XKR4: variants seen among roughly 807,000 people sequenced by gnomAD.
XKR4 encodes the protein XK related 4.
Under a neutral mutation model 53.9 loss-of-function variants are expected in XKR4, and 12 were observed. The observed-to-expected ratio is 0.22, with a 90% CI of 0.14 to 0.36. XKR4 has a LOEUF of 0.36. Ranked by LOEUF, XKR4 falls within the 10% of genes least tolerant of loss-of-function variation. XKR4 has a pLI of 1.00. For missense variants in XKR4, 799 were observed against 859.5 expected (o/e 0.93, Z 0.88); for synonymous variants, 354 against 362.4 (o/e 0.98, Z 0.26).
In XKR4 at chr8:55,273,142, C is replaced by CTGTGTGTGTG. The variant is rs5891567; in HGVS notation, c.807-84504_807-84495dup. Among the ~76,000 whole-genome samples the CTGTGTGTGTG allele has an allele frequency of 9.2e-3, 1,356 of 147,538 alleles. 26 individuals carry two copies. Among genetic ancestry groups the CTGTGTGTGTG allele is most frequent in the African/African-American group, 0.032 (1,267 of 39,604 alleles). ...ATAATGTAGTTTGGAGAAAAGAGGA[C>CTGTGTGTGTG]TGTGTGTGTGTGTGTGTGTGTGTGT... On this transcript the variant is annotated intron_variant, in intron 1 of 2. Transcript: ENST00000327381.
chr8:55,146,968 C>A lies in XKR4; in HGVS notation c.806+43674C>A, dbSNP rs546785488. Among the ~76,000 whole-genome samples the A allele has an allele frequency of 7.9e-4, 120 of 152,324 alleles. No individual in the cohort carries two copies. In the Middle Eastern group the frequency reaches 0.01, roughly 13 times the overall value. On this transcript the variant is annotated intron_variant, in intron 1 of 2. Coordinates refer to ENST00000327381, the MANE Select transcript of XKR4 (RefSeq NM_052898.2). Reference sequence around the variant, plus strand: ...ATGTTGCAGTTTAGAGGTAATCATTCCACAGAAGGGAAGCCATGCAATATC... The same window carrying A: ...ATGTTGCAGTTTAGAGGTAATCATTACACAGAAGGGAAGCCATGCAATATC...
At position 55,357,762 on chromosome 8, in the gene XKR4, T is replaced by C. The variant is rs749035731; in HGVS notation, c.891T>C (p.Tyr297=). The change falls in exon 2 of 3, where the codon TAT becomes TAC. Residue 297 remains tyrosine (Y), a synonymous_variant. Coordinates refer to ENST00000327381, the MANE Select transcript of XKR4 (RefSeq NM_052898.2). ...GGAGGTTTTACTGGAAAATGGTATA[T>C]GAGTATGCGGATGTGAGTATGCTGC... ...DRWRFYWKMV[Y]EYADVSMLHL... 43 of 1,613,834 alleles carry C rather than the reference T, an allele frequency of 2.7e-5. No individual in the cohort carries two copies. The highest frequency in any genetic ancestry group is 3.6e-5 in the Non-Finnish European group (43 of 1,179,800).
chr8:55,268,433 G>T (rs750892719), intron 1 of XKR4, among the ~76,000 whole-genome samples: 12 of 152,140 alleles, frequency 7.9e-5, no homozygotes, highest in Non-Finnish European at 1.6e-4. Flanking sequence ...AAGACAGCTT[G>T]CAACTGATGT....
intron 1 of XKR4, among the ~76,000 whole-genome samples, chr8:55,197,778 C>G (rs1320351174): frequency 6.6e-6 from 1 of 152,106 alleles, no homozygotes; most frequent in Non-Finnish European, 1.5e-5. Context: ...CTCCTGACCT[C>G]GTGATCCACC....
At chr8:55,394,010 C>T (rs1017407442) in intron 2 of XKR4, among the ~76,000 whole-genome samples, 2 of 152,092 alleles carry the variant, frequency 1.3e-5, no homozygotes, top group Non-Finnish European at 2.9e-5. Flanking sequence ...CAGACCCTGA[C>T]CATGAGAAGT....
At chr8:55,278,767 T>C (rs953767205) in intron 1 of XKR4, among the ~76,000 whole-genome samples, 2 of 152,186 alleles carry the variant, frequency 1.3e-5, no homozygotes, top group African/African-American at 4.8e-5. Flanking sequence ...CAAAATCATA[T>C]GTAAAAATTG....
intron 1 of XKR4, among the ~76,000 whole-genome samples, chr8:55,305,245 T>TATA (rs1393139480): frequency 9.2e-5 from 14 of 152,220 alleles, no homozygotes; most frequent in African/African-American, 3.4e-4. Flanking sequence ...ATGTGGCTAC[T>TATA]ATATTGGGCA....
intron 1 of XKR4, among the ~76,000 whole-genome samples, chr8:55,215,688 A>G (rs1817788601): frequency 6.6e-6 from 1 of 152,246 alleles, no homozygotes; most frequent in African/African-American, 2.4e-5. Context: ...GAAAAAAATA[A>G]TAAAATTCAA....
At chr8:55,338,794 T>C (rs1306126332) in intron 1 of XKR4, among the ~76,000 whole-genome samples, 2 of 152,210 alleles carry the variant, frequency 1.3e-5, no homozygotes, top group African/African-American at 2.4e-5. Context: ...GGTTGATTTT[T>C]GGATATTTTG....
At position 55,348,364 on chromosome 8, in the gene XKR4, G is replaced by A. The variant is rs1428924260; in HGVS notation, c.807-9314G>A. On this transcript the variant is annotated intron_variant, in intron 1 of 2. Coordinates refer to ENST00000327381, the MANE Select transcript of XKR4 (RefSeq NM_052898.2). ...TCTAATCCCCACACAGCCTGTGAGG[G>A]AGGGACAGCCATCCCTGCCTTCTCA... Among the ~76,000 whole-genome samples, 6 of 152,176 alleles carry A rather than the reference G, an allele frequency of 3.9e-5. No homozygotes were observed. In the South Asian group the frequency reaches 1.0e-3, roughly 26 times the overall value.
intron 1 of XKR4, among the ~76,000 whole-genome samples, chr8:55,291,835 A>C (rs551891803): frequency 1.3e-5 from 2 of 152,162 alleles, no homozygotes; most frequent in African/African-American, 2.4e-5. Flanking sequence ...GATACTCCTT[A>C]TCAAGCTGAG....
chr8:55,140,973 C>T (rs1816694182), intron 1 of XKR4, among the ~76,000 whole-genome samples: 1 of 152,078 alleles, frequency 6.6e-6, no homozygotes, highest in Admixed American at 6.5e-5. Flanking sequence ...TGAAATATAA[C>T]TCACATACCA....
At chr8:55,168,701 C>T (rs1032226040) in intron 1 of XKR4, among the ~76,000 whole-genome samples, 1 of 152,330 alleles carries the variant, frequency 6.6e-6, no homozygotes. Context: ...AAAATTCTAT[C>T]AGCTCATCCT....
At chr8:55,322,205 T>C (rs1016011180) in intron 1 of XKR4, among the ~76,000 whole-genome samples, 1 of 152,218 alleles carries the variant, frequency 6.6e-6, no homozygotes, top group African/African-American at 2.4e-5. Flanking sequence ...TTTGTATAAA[T>C]GGATTCACGT....
At chr8:55,393,309 C>T (rs1043634344) in intron 2 of XKR4, among the ~76,000 whole-genome samples, 8 of 151,512 alleles carry the variant, frequency 5.3e-5, no homozygotes, top group South Asian at 4.2e-4. Context: ...AGCAGAAAAT[C>T]GTAAAATATG....
At chr8:55,161,604 C>T (rs940389590) in intron 1 of XKR4, 8 of 456,256 alleles carry the variant, frequency 1.8e-5, no homozygotes, top group Non-Finnish European at 2.6e-5. Flanking sequence ...TAGATGTGGA[C>T]GAATAGTAGT....
intron 1 of XKR4, among the ~76,000 whole-genome samples, chr8:55,178,439 A>G (rs980448106): frequency 6.6e-6 from 1 of 152,208 alleles, no homozygotes; most frequent in Non-Finnish European, 1.5e-5. Context: ...GGGTTACTGA[A>G]CGTCAAACGT....
At chr8:55,386,934 G>T (rs751677372) in intron 2 of XKR4, among the ~76,000 whole-genome samples, 16 of 152,172 alleles carry the variant, frequency 1.1e-4, no homozygotes, top group Non-Finnish European at 2.4e-4. Flanking sequence ...TATTGCTTGT[G>T]CAGTTATTAA....
rs531509209 is a variant in XKR4 at position 55,358,461 on chromosome 8, C to T, written c.1006+584C>T. ...TTATATACTATGAAGTTTTATAAAA[C>T]GGATATTATTATCAGATTAATATCT... On this transcript the variant is annotated intron_variant, in intron 2 of 2. Coordinates refer to ENST00000327381, the MANE Select transcript of XKR4 (RefSeq NM_052898.2). 5.3e-5 allele frequency among the ~76,000 whole-genome samples: 8 copies of T among 152,088 alleles called. No homozygotes were observed. In the South Asian group the frequency reaches 8.3e-4, roughly 16 times the overall value.
Sources: allele counts gnomAD v4.1 joint callset (sites outside exome capture counted in the v4.1 genomes callset), GRCh38; gene constraint gnomAD v4.1.1; transcripts MANE v1.5; gene names NCBI Gene and HGNC (gene_info 2026-07-23, HGNC 2026-07-21).